The following IMMT variants were observed in gnomAD, a reference collection of about 807,000 sequenced individuals.
The protein encoded by IMMT is MICOS complex subunit MIC60.
In IMMT, 40 loss-of-function variants were observed where a neutral mutation model predicts 92.7. The observed-to-expected ratio is 0.43, with a 90% CI of 0.34 to 0.56. The LOEUF is 0.56. IMMT is among the 20% of genes least tolerant of loss of function. IMMT has a pLI of 0.03. For synonymous variants in IMMT, 322 were observed against 336.1 expected, an observed-to-expected ratio of 0.96 and a Z score of 0.46; for missense variants, 831 against 912.1, an observed-to-expected ratio of 0.91 and a Z score of 1.14.
chr2:86,147,602 TTCCAAATCTTCGACA>T (rs1675116878), intron 13 of IMMT, 85 bp downstream of exon 13: 1 of 1,194,234 alleles, frequency 8.4e-7, no homozygotes. Flanking sequence ...ACAAGGAGAT[TTCCAAATCTTCGACA>T]TCCTCAGAGT....
At chr2:86,162,362 T>A (rs1676354440) in intron 7 of IMMT, among the ~76,000 whole-genome samples, 1 of 150,494 alleles carries the variant, frequency 6.6e-6, no homozygotes. Flanking sequence ...TTTTTAAGAT[T>A]CTCAAAAGGA....
rs773165856 is a variant in IMMT at position 86,144,380 on chromosome 2, T to G, written c.2165A>C (p.Gln722Pro). ...CATTCGGGCTTCCTTCAGCCAGTCCTGTGCCACTCGTCTGGATTCCCCCTT... is the reference window on the plus strand; with the variant it reads ...CATTCGGGCTTCCTTCAGCCAGTCCGGTGCCACTCGTCTGGATTCCCCCTT... ...QLKGESRRVA[Q>P]DWLKEARMTL... Residue 722 changes from glutamine to proline, a missense_variant, in exon 15 of 15, where the codon CAG becomes CCG. Gln to Pro is a moderately conservative substitution (Grantham distance 76). Coordinates refer to ENST00000410111, the MANE Select transcript of IMMT (RefSeq NM_006839.3). 6.2e-7 allele frequency: 1 copy of G among 1,614,046 alleles called. No homozygotes were observed. Among genetic ancestry groups the G allele is most frequent in the Non-Finnish European group, 8.5e-7 (1 of 1,179,900 alleles).
intron 9 of IMMT, 163 bp downstream of exon 9, chr2:86,159,373 C>A: frequency 1.4e-6 from 1 of 709,068 alleles, no homozygotes; most frequent in South Asian, 1.5e-5. Context: ...GTGTGAACCA[C>A]CACACCCAGC....
intron 4 of IMMT, 156 bp downstream of exon 4, chr2:86,173,494 C>A (rs1473977260): frequency 1.8e-6 from 1 of 557,774 alleles, no homozygotes; most frequent in East Asian, 3.6e-5. Context: ...GCAGGAGAAT[C>A]GCTTGAACCT....
intron 1 of IMMT, among the ~76,000 whole-genome samples, chr2:86,186,978 G>A (rs577524798): frequency 1.3e-5 from 2 of 152,092 alleles, no homozygotes; most frequent in East Asian, 3.9e-4. Context: ...ATCTAGCTCT[G>A]GCTCTATACT....
At chr2:86,166,200 G>A (rs943424507) in intron 7 of IMMT, among the ~76,000 whole-genome samples, 1 of 152,082 alleles carries the variant, frequency 6.6e-6, no homozygotes, top group Non-Finnish European at 1.5e-5. Flanking sequence ...GTATGGTGGC[G>A]GGAGCCTGTA....
chr2:86,167,746 T>A (rs1676815041), intron 6 of IMMT, among the ~76,000 whole-genome samples: 1 of 152,158 alleles, frequency 6.6e-6, no homozygotes, highest in Admixed American at 6.5e-5. Context: ...CCTCTCAAAG[T>A]GCTGGGATTA....
In IMMT at chr2:86,188,386, TACACGCAC is replaced by T. The variant is rs548177968; in HGVS notation, c.45+6944_45+6951del. Among the ~76,000 whole-genome samples, 114 of 152,146 alleles carry T rather than the reference TACACGCAC, an allele frequency of 7.5e-4. 2 individuals carry two copies. In the East Asian group the frequency reaches 0.018, roughly 24 times the overall value. ...CAAGTCCTTTGCTCATGCATACACA[TACACGCAC>T]ACACGCGCACACACACACGCACACA... On this transcript the variant is annotated intron_variant, in intron 1 of 14. Coordinates refer to ENST00000410111, the MANE Select transcript of IMMT (RefSeq NM_006839.3).
At chr2:86,181,188 T>C in intron 2 of IMMT, 111 bp downstream of exon 2, 1 of 736,088 alleles carries the variant, frequency 1.4e-6, no homozygotes, top group Non-Finnish European at 2.4e-6. Context: ...TCGGTGTATG[T>C]ACCCCTTTTT....
chr2:86,163,223 T>C (rs994153000), intron 7 of IMMT, among the ~76,000 whole-genome samples: 2 of 151,998 alleles, frequency 1.3e-5, no homozygotes, highest in African/African-American at 4.8e-5. Context: ...GAGGGGCTGA[T>C]GTGGGAGGAT....
At chr2:86,182,869 A>AAAAAAC in intron 1 of IMMT, among the ~76,000 whole-genome samples, 1 of 152,082 alleles carries the variant, frequency 6.6e-6, no homozygotes, top group Non-Finnish European at 1.5e-5. Context: ...CCCTTAAAAA[A>AAAAAAC]AAAAACAAAA....
At chr2:86,152,398 G>A (rs535805855) in intron 11 of IMMT, among the ~76,000 whole-genome samples, 25 of 135,242 alleles carry the variant, frequency 1.8e-4, no homozygotes, top group South Asian at 1.2e-3. Context: ...CCGAAATTGC[G>A]CCACTGTATT....
chr2:86,171,584 C>A, intron 4 of IMMT: 2 of 448,776 alleles, frequency 4.5e-6, no homozygotes, highest in South Asian at 6.0e-5. Flanking sequence ...TCTGCATCCA[C>A]CTGCATTTTA....
Position 86,166,491 on chromosome 2 carries a change from T to C in IMMT, c.792+17A>G. ...GTCATGACAGCCAGAACACTTCTAA[T>C]CATTCATTGGGCTCACCTCAGAATT... On this transcript the variant is annotated intron_variant, in intron 7 of 14. Coordinates refer to ENST00000410111, the MANE Select transcript of IMMT (RefSeq NM_006839.3). 8.8e-6 allele frequency: 14 copies of C among 1,599,010 alleles called. No individual in the cohort carries two copies. Among genetic ancestry groups the C allele is most frequent in the Non-Finnish European group, 1.2e-5 (14 of 1,173,628 alleles).
At chr2:86,151,615 G>A in intron 11 of IMMT, 95 bp from the exon 12 acceptor site, 1 of 861,128 alleles carries the variant, frequency 1.2e-6, no homozygotes, top group Non-Finnish European at 1.8e-6. Context: ...TTTAAGAGCA[G>A]TAAACGAAAG....
At chr2:86,168,629 A>C (rs1323411476) in intron 6 of IMMT, among the ~76,000 whole-genome samples, 1 of 152,138 alleles carries the variant, frequency 6.6e-6, no homozygotes, top group Non-Finnish European at 1.5e-5. Context: ...TCTCAAAACA[A>C]ATTAATTAAA....
intron 12 of IMMT, among the ~76,000 whole-genome samples, chr2:86,149,364 G>A (rs1196184432): frequency 6.6e-6 from 1 of 152,172 alleles, no homozygotes; most frequent in Non-Finnish European, 1.5e-5. Context: ...AATGGCTCAT[G>A]GCATGCAGTG....
chr2:86,167,507 C>T (rs1261703793), intron 6 of IMMT, among the ~76,000 whole-genome samples: 5 of 109,582 alleles, frequency 4.6e-5, no homozygotes, highest in Non-Finnish European at 7.1e-5. Context: ...TTTTTGGAGA[C>T]GGAGTCCCAC....
chr2:86,185,132 A>C (rs1406519118), intron 1 of IMMT, among the ~76,000 whole-genome samples: 1 of 151,904 alleles, frequency 6.6e-6, no homozygotes, highest in Non-Finnish European at 1.5e-5. Flanking sequence ...GTGAGCCGAG[A>C]TTGCGCCAGC....
Sources: allele counts gnomAD v4.1 joint callset (sites outside exome capture counted in the v4.1 genomes callset), GRCh38; gene constraint gnomAD v4.1.1; transcripts MANE v1.5; gene names NCBI Gene and HGNC (gene_info 2026-07-23, HGNC 2026-07-21).